MCPH1: variants seen among roughly 807,000 people sequenced by gnomAD.
The protein encoded by MCPH1 is microcephalin 1, also known as microcephalin.
Under a neutral mutation model 84.5 loss-of-function variants are expected in MCPH1, and 104 were observed. The observed-to-expected ratio is 1.23, with a 90% CI of 1.05 to 1.45. MCPH1 has a LOEUF of 1.45. Among genes scored for constraint, MCPH1 ranks in the 40% most tolerant of loss-of-function variants. The pLI is 0.00. For missense variants in MCPH1, 1,498 were observed against 1,005.7 expected, an observed-to-expected ratio of 1.49 and a Z score of -6.62; for synonymous variants, 514 against 366.8, an observed-to-expected ratio of 1.40 and a Z score of -4.58.
intron 12 of MCPH1, chr8:6,500,207 GAA>G (rs1774472621): frequency 4.7e-6 from 2 of 424,676 alleles, no homozygotes; most frequent in Admixed American, 3.6e-5. Flanking sequence ...AAAAAAGACT[GAA>G]TTCTTGGGCA....
chr8:6,473,441 C>A (rs986296122), intron 9 of MCPH1, among the ~76,000 whole-genome samples: 51 of 147,752 alleles, frequency 3.5e-4, no homozygotes, highest in Admixed American at 2.5e-3. Context: ...ACGCCATTCT[C>A]CTGCCTCGGC....
At position 6,580,938 on chromosome 8, in the gene MCPH1, G is replaced by A. The variant is rs189270583; in HGVS notation, c.2215-40516G>A. 6.6e-5 allele frequency among the ~76,000 whole-genome samples: 10 copies of A among 152,270 alleles called. No homozygotes were observed. The East Asian group carries it at 7.7e-4, about 12-fold the overall frequency. ...TCTGCATCTGTAGGTTCAACCAATC[G>A]TGGACCAAATATATTCAAGAAAATG... On this transcript the variant is annotated intron_variant, in intron 12 of 13. Transcript: ENST00000344683.
chr8:6,510,141 T>A (rs1474591831), intron 12 of MCPH1, among the ~76,000 whole-genome samples: 1 of 148,182 alleles, frequency 6.7e-6, no homozygotes. Flanking sequence ...AAGACAATAT[T>A]TTTGAGGTTG....
chr8:6,466,724 C>A (rs916965543), intron 9 of MCPH1, among the ~76,000 whole-genome samples: 3 of 152,080 alleles, frequency 2.0e-5, no homozygotes, highest in Non-Finnish European at 4.4e-5. Flanking sequence ...CAGGCGGCAG[C>A]CACCGCGCCT....
chr8:6,437,889 C>T (rs777930347), intron 5 of MCPH1, among the ~76,000 whole-genome samples: 6 of 152,228 alleles, frequency 3.9e-5, no homozygotes, highest in Non-Finnish European at 8.8e-5. Context: ...CCACTCCTTA[C>T]GCTGCCCTCC....
intron 8 of MCPH1, chr8:6,446,022 C>A: frequency 1.0e-6 from 1 of 978,718 alleles, no homozygotes; most frequent in South Asian, 4.7e-5. Context: ...TTTTAGAAAT[C>A]TGTTGTCAAT....
intron 12 of MCPH1, among the ~76,000 whole-genome samples, chr8:6,601,503 C>T (rs2129578239): frequency 6.6e-6 from 1 of 150,512 alleles, no homozygotes; most frequent in South Asian, 2.1e-4. Flanking sequence ...ACACCCCCTA[C>T]CTGTCCTCCA....
At chr8:6,420,464 C>T (rs1011583080) in intron 3 of MCPH1, among the ~76,000 whole-genome samples, 10 of 152,074 alleles carry the variant, frequency 6.6e-5, no homozygotes, top group East Asian at 1.9e-4. Flanking sequence ...CTGTTATCTC[C>T]GTGTCAGTGA....
chr8:6,576,680 G>GTATTTT (rs1827136649), intron 12 of MCPH1, among the ~76,000 whole-genome samples: 1 of 36,340 alleles, frequency 2.8e-5, no homozygotes, highest in Non-Finnish European at 7.4e-5. Flanking sequence ...GCTAATTTTT[G>GTATTTT]TATTTTTTTT....
intron 9 of MCPH1, among the ~76,000 whole-genome samples, chr8:6,475,050 A>T (rs1286991452): frequency 6.6e-6 from 1 of 152,236 alleles, no homozygotes; most frequent in East Asian, 1.9e-4. Context: ...TGGGAATTTT[A>T]GGAAGATTCA....
intron 12 of MCPH1, among the ~76,000 whole-genome samples, chr8:6,542,747 C>G (rs978149005): frequency 6.6e-6 from 1 of 152,042 alleles, no homozygotes; most frequent in South Asian, 2.1e-4. Flanking sequence ...TGCCAAAATA[C>G]TGGGTGGAGC....
chr8:6,521,947 G>A (rs556031775), intron 12 of MCPH1, among the ~76,000 whole-genome samples: 65 of 152,318 alleles, frequency 4.3e-4, no homozygotes, highest in Non-Finnish European at 8.2e-4. Context: ...TGGCTTACCA[G>A]CCCTGCGACT....
chr8:6,586,645 C>T (rs912166547), intron 12 of MCPH1, among the ~76,000 whole-genome samples: 1 of 152,160 alleles, frequency 6.6e-6, no homozygotes, highest in Non-Finnish European at 1.5e-5. Context: ...GAGAGACGGC[C>T]AGGAGAAACC....
At chr8:6,429,464 G>C (rs541900171) in intron 3 of MCPH1, among the ~76,000 whole-genome samples, 1 of 151,236 alleles carries the variant, frequency 6.6e-6, no homozygotes, top group Admixed American at 6.6e-5. Flanking sequence ...GAGGGGTTCT[G>C]AGCTCCAGGT....
chr8:6,636,826 A>G (rs1797593021), intron 13 of MCPH1, among the ~76,000 whole-genome samples: 1 of 152,256 alleles, frequency 6.6e-6, no homozygotes, highest in South Asian at 2.1e-4. Flanking sequence ...TCTGGAATTC[A>G]AAACATTTCT....
intron 12 of MCPH1, among the ~76,000 whole-genome samples, chr8:6,570,469 T>C (rs889531372): frequency 1.3e-5 from 2 of 152,154 alleles, no homozygotes; most frequent in Non-Finnish European, 2.9e-5. Flanking sequence ...AAACAGCCAT[T>C]TCCCCCGCAT....
At chr8:6,598,383 C>G (rs1829087230) in intron 12 of MCPH1, among the ~76,000 whole-genome samples, 1 of 152,156 alleles carries the variant, frequency 6.6e-6, no homozygotes, top group Non-Finnish European at 1.5e-5. Context: ...AGCCCCGAAC[C>G]CAAAGACAGA....
intron 13 of MCPH1, among the ~76,000 whole-genome samples, chr8:6,623,700 A>AAAAAAC (rs1831735508): frequency 1.6e-4 from 1 of 6,186 alleles, no homozygotes; most frequent in African/African-American, 6.7e-4. Context: ...AAAAAAAAAA[A>AAAAAAC]AAAAAAAAAA....
At chr8:6,566,747 G>T (rs1197656303) in intron 12 of MCPH1, among the ~76,000 whole-genome samples, 1 of 143,680 alleles carries the variant, frequency 7.0e-6, no homozygotes, top group East Asian at 2.1e-4. Context: ...TGCACGTGTT[G>T]CGGTGACCAT....
Sources: gnomAD v4.1 joint callset for allele counts (sites outside exome capture counted in the v4.1 genomes callset) on GRCh38, gnomAD v4.1.1 for gene constraint, MANE v1.5 for transcripts, NCBI Gene and HGNC (gene_info 2026-07-23, HGNC 2026-07-21) for gene names.